The following FHIP2A variants were observed in gnomAD, a reference collection of about 807,000 sequenced individuals.
FHIP2A encodes the protein family with sequence similarity 160 member B1.
A neutral mutation model predicts 93.5 loss-of-function variants in FHIP2A; 46 were observed. That is an observed-to-expected ratio of 0.49 (90% CI 0.39 to 0.63). The LOEUF is 0.63. FHIP2A is among the 20% of genes least tolerant of loss of function. The probability of loss-of-function intolerance (pLI) is 0.00; values close to 1 mark genes in which losing one functional copy is unlikely to be tolerated. For synonymous variants in FHIP2A, 332 were observed against 326.5 expected (o/e 1.02, Z -0.18); for missense variants, 769 against 909.7 (o/e 0.85, Z 1.99).
At chr10:114,886,467 G>A (rs2083943329) in intron 16 of FHIP2A, among the ~76,000 whole-genome samples, 1 of 151,972 alleles carries the variant, frequency 6.6e-6, no homozygotes, top group African/African-American at 2.4e-5. Flanking sequence ...TATGGCCTTA[G>A]ATGTTAACGC....
At chr10:114,839,332 G>C (rs1472825725) in intron 5 of FHIP2A, among the ~76,000 whole-genome samples, 2 of 151,922 alleles carry the variant, frequency 1.3e-5, no homozygotes, top group African/African-American at 4.8e-5. Context: ...TCACCATGTT[G>C]GCCAGGCTGG....
downstream of FHIP2A, among the ~76,000 whole-genome samples, chr10:114,867,908 A>C (rs1368480508): frequency 6.6e-6 from 1 of 151,464 alleles, no homozygotes; most frequent in Admixed American, 6.6e-5. Flanking sequence ...CCCAAGTATG[A>C]GTCTAAGGAG....
At position 114,846,729 on chromosome 10, in the gene FHIP2A, G is replaced by GT. The variant is rs745782908; in HGVS notation, c.1568+2dup. 1 of 1,587,308 alleles carries GT rather than the reference G, an allele frequency of 6.3e-7. No individual in the cohort carries two copies. The highest frequency in any genetic ancestry group is 8.5e-7 in the Non-Finnish European group (1 of 1,171,350). On this transcript the variant is annotated splice_donor_variant, in intron 11 of 16. Transcript: ENST00000369248. LOFTEE classifies it high-confidence loss of function. ...AAAATGGATTGATAGCAGGAGCAGT[G>GT]TAAGTTTCCATCCAACTCCGTGAGT...
Position 114,848,660 on chromosome 10 carries a change from G to T in FHIP2A, c.1726G>T (p.Val576Leu). 1 of 1,609,836 alleles carries T rather than the reference G, an allele frequency of 6.2e-7. No homozygotes were observed. Among genetic ancestry groups the T allele is most frequent in the Non-Finnish European group, 8.5e-7 (1 of 1,177,654 alleles). ...HKIVNSFLCL[V>L]PDDAKSSYHV... ...TTTTCATTTAAGTTTTCTCTGTCTG[G>T]TACCGGATGACGCAAAATCCTCCTA... Residue 576 changes from valine to leucine, a missense_variant, in exon 13 of 17, where the codon GTA becomes TTA. Transcript: ENST00000369248.
Position 114,861,888 on chromosome 10 carries a change from T to C in FHIP2A, c.*348T>C. 6 of 992,998 alleles carry C rather than the reference T, an allele frequency of 6.0e-6. No homozygotes were observed. Among genetic ancestry groups the C allele is most frequent in the Non-Finnish European group, 6.0e-6 (5 of 834,762 alleles). 61.5% of individuals were successfully genotyped at this position (992,998 alleles called of 1,614,324 possible). The stretch of plus-strand genomic sequence containing the variant: ...ATATTTCTGTTATATTAATGTCCTT[T>C]TAGGTAGCAAGGCATTTTGACATTC... On this transcript the variant is annotated 3_prime_UTR_variant, in exon 17 of 17. Coordinates refer to ENST00000369248, the MANE Select transcript of FHIP2A (RefSeq NM_020940.4).
rs762236293 is a variant in FHIP2A at position 114,885,310 on chromosome 10, G to A, written c.2193-14180G>A. The stretch of plus-strand genomic sequence containing the variant: ...CCCAGGAGGCTGAGGCAGGAGAATC[G>A]TTTGAAGCAGGGAGGCGTAGGTTAC... On this transcript the variant is annotated intron_variant, in intron 16 of 16. Transcript: ENST00000369250. 2.6e-5 allele frequency among the ~76,000 whole-genome samples: 4 copies of A among 151,124 alleles called. No individual in the cohort carries two copies. The South Asian group carries it at 6.3e-4, about 24-fold the overall frequency.
chr10:114,892,269 C>T (rs530291244), intron 16 of FHIP2A, among the ~76,000 whole-genome samples: 2 of 152,282 alleles, frequency 1.3e-5, no homozygotes, highest in South Asian at 4.1e-4. Flanking sequence ...ACCCAAAGTC[C>T]AGCTTCTGTG....
intron 2 of FHIP2A, 131 bp from the exon 3 acceptor site, chr10:114,833,101 AT>A: frequency 6.1e-6 from 4 of 651,252 alleles, no homozygotes; most frequent in Non-Finnish European, 1.0e-5. Context: ...TACTGTGTTT[AT>A]AAACCTCACT....
At chr10:114,829,044 A>C (rs1415337408) in intron 1 of FHIP2A, among the ~76,000 whole-genome samples, 1 of 152,224 alleles carries the variant, frequency 6.6e-6, no homozygotes, top group Non-Finnish European at 1.5e-5. Flanking sequence ...CCAAGAAATC[A>C]AAATGGTACC....
Position 114,861,580 on chromosome 10 carries a change from G to T in FHIP2A, c.*40G>T. The T allele has an allele frequency of 6.2e-7, 1 of 1,600,730 alleles. No homozygotes were observed. Among genetic ancestry groups the T allele is most frequent in the Non-Finnish European group, 8.5e-7 (1 of 1,175,612 alleles). On this transcript the variant is annotated 3_prime_UTR_variant, in exon 17 of 17. Coordinates refer to ENST00000369248, the MANE Select transcript of FHIP2A (RefSeq NM_020940.4). The stretch of plus-strand genomic sequence containing the variant: ...GTAACTGGGGGAACAGAACTACTGT[G>T]TACATTTCACCAAAAAAGACTCAGT...
chr10:114,889,972 GC>G (rs1330145118), intron 16 of FHIP2A, among the ~76,000 whole-genome samples: 1 of 152,150 alleles, frequency 6.6e-6, no homozygotes, highest in African/African-American at 2.4e-5. Flanking sequence ...CAGTGACCTT[GC>G]CCCATCCCTG....
chr10:114,849,127 CAAAAAAAAAAAAAAAA>C (rs34515682), intron 13 of FHIP2A, among the ~76,000 whole-genome samples: 2 of 50,410 alleles, frequency 4.0e-5, no homozygotes, highest in East Asian at 2.0e-3. Flanking sequence ...GACTCCATCT[CAAAAAAAAAAAAAAAA>C]AAAAAAAAAA....
At chr10:114,885,369 T>G (rs2083937393) in intron 16 of FHIP2A, among the ~76,000 whole-genome samples, 1 of 145,486 alleles carries the variant, frequency 6.9e-6, no homozygotes, top group East Asian at 2.0e-4. Context: ...CACTCCAGCC[T>G]GCACAACAAG....
chr10:114,826,565 G>T (rs1362283746), intron 1 of FHIP2A, among the ~76,000 whole-genome samples: 3 of 152,306 alleles, frequency 2.0e-5, no homozygotes, highest in African/African-American at 7.2e-5. Context: ...GAACTCTATA[G>T]GAGAAGGGAG....
chr10:114,845,882 A>G, intron 8 of FHIP2A, 131 bp from the exon 9 acceptor site: 1 of 681,508 alleles, frequency 1.5e-6, no homozygotes. Context: ...TATGCCACCA[A>G]TAAGAGGGTC....
chr10:114,825,330 A>G (rs1009681809), intron 1 of FHIP2A, among the ~76,000 whole-genome samples: 3 of 152,222 alleles, frequency 2.0e-5, no homozygotes, highest in African/African-American at 7.2e-5. Flanking sequence ...CCTGGCCCAA[A>G]TAGTTTTTTT....
intron 16 of FHIP2A, among the ~76,000 whole-genome samples, chr10:114,874,549 C>T (rs913552773): frequency 6.6e-6 from 1 of 152,172 alleles, no homozygotes; most frequent in Admixed American, 6.5e-5. Flanking sequence ...GTTGCCCAAG[C>T]TGGAGTGCAG....
chr10:114,830,475 G>A (rs527809215), intron 1 of FHIP2A, among the ~76,000 whole-genome samples: 1 of 151,848 alleles, frequency 6.6e-6, no homozygotes, highest in East Asian at 1.9e-4. Flanking sequence ...GTTTCACCAC[G>A]TTGCCCGGCT....
Position 114,846,364 on chromosome 10 carries a change from T to C in FHIP2A, c.1395T>C (p.Asp465=). 1 of 1,612,260 alleles carries C rather than the reference T, an allele frequency of 6.2e-7. No individual in the cohort carries two copies. The highest frequency in any genetic ancestry group is 8.5e-7 in the Non-Finnish European group (1 of 1,178,460). Residue 465 remains aspartate, a synonymous_variant, in exon 10 of 17, where the codon GAT becomes GAC. Coordinates refer to ENST00000369248, the MANE Select transcript of FHIP2A (RefSeq NM_020940.4). The part of the protein sequence containing the change: ...RLIEHCDHIS[D]EISIMTLRMF... ...TTGAACATTGTGATCACATATCTGA[T>C]GAGGTAAGCTACGTAATGATTTAGA...
Sources: allele counts gnomAD v4.1 joint callset (sites outside exome capture counted in the v4.1 genomes callset), GRCh38; gene constraint gnomAD v4.1.1; transcripts MANE v1.5; gene names NCBI Gene and HGNC (gene_info 2026-07-23, HGNC 2026-07-21).